The following ULK4 variants were observed in gnomAD, a reference collection of about 807,000 sequenced individuals.
The protein encoded by ULK4 is unc-51 like kinase 4, also known as inactive serine/threonine-protein kinase ULK4.
Under a neutral mutation model 160.6 loss-of-function variants are expected in ULK4, and 133 were observed. The observed-to-expected ratio is 0.83, with a 90% confidence interval of 0.72 to 0.96. ULK4 has a LOEUF of 0.96. Among genes scored for constraint, ULK4 ranks in the 40% least tolerant of loss-of-function variants. The pLI, the probability that ULK4 is intolerant of heterozygous loss-of-function variation, is 0.00. For missense variants in ULK4, 1,580 were observed against 1,499.5 expected, an observed-to-expected ratio of 1.05 and a Z score of -0.89; for synonymous variants, 534 against 539.8, an observed-to-expected ratio of 0.99 and a Z score of 0.15.
chr3:41,934,052 TAA>T (rs1699683597), intron 4 of ULK4, among the ~76,000 whole-genome samples: 2 of 151,984 alleles, frequency 1.3e-5, no homozygotes, highest in East Asian at 3.9e-4. Context: ...AAAATAATAA[TAA>T]AATAAAAAAA....
chr3:41,543,877 T>C (rs1236533857), intron 32 of ULK4, among the ~76,000 whole-genome samples: 1 of 152,178 alleles, frequency 6.6e-6, no homozygotes, highest in Non-Finnish European at 1.5e-5. Flanking sequence ...TTGGTTCATT[T>C]TGATAATTTC....
At chr3:41,447,639 ATT>A (rs2083331520) in intron 34 of ULK4, among the ~76,000 whole-genome samples, 1 of 152,154 alleles carries the variant, frequency 6.6e-6, no homozygotes, top group Non-Finnish European at 1.5e-5. Context: ...TGTGGCATCT[ATT>A]TTGACTGCTC....
intron 34 of ULK4, among the ~76,000 whole-genome samples, chr3:41,442,006 A>G (rs1422880720): frequency 2.0e-5 from 3 of 152,174 alleles, no homozygotes; most frequent in African/African-American, 7.2e-5. Context: ...TGATTAGTGT[A>G]ACCATGGTGC....
intron 35 of ULK4, among the ~76,000 whole-genome samples, chr3:41,319,099 A>T (rs2080199796): frequency 1.3e-5 from 2 of 152,150 alleles, no homozygotes; most frequent in Non-Finnish European, 2.9e-5. Context: ...TAGGGTCTTT[A>T]TTTTACTTAC....
intron 22 of ULK4, among the ~76,000 whole-genome samples, chr3:41,738,763 G>C (rs949871379): frequency 6.6e-6 from 1 of 151,934 alleles, no homozygotes; most frequent in Non-Finnish European, 1.5e-5. Flanking sequence ...GTGGGTTTTT[G>C]TGAATTAAGA....
intron 1 of ULK4, among the ~76,000 whole-genome samples, chr3:41,961,550 A>ACCGCCCCCCCC (rs1700669195): frequency 8.0e-6 from 1 of 124,692 alleles, no homozygotes; most frequent in African/African-American, 4.3e-5. Flanking sequence ...GTAGTCACTC[A>ACCGCCCCCCCC]CCCCCCCCCC....
chr3:41,347,533 C>A (rs1309400261), intron 35 of ULK4, among the ~76,000 whole-genome samples: 2 of 152,108 alleles, frequency 1.3e-5, no homozygotes, highest in Non-Finnish European at 2.9e-5. Flanking sequence ...AACACCCTAT[C>A]TAACACTTCC....
intron 29 of ULK4, among the ~76,000 whole-genome samples, chr3:41,671,744 T>G (rs918127870): frequency 6.6e-6 from 1 of 152,054 alleles, no homozygotes; most frequent in African/African-American, 2.4e-5. Flanking sequence ...ACTTAAAAGC[T>G]TCTACGCAGC....
chr3:41,346,149 C>A (rs62257650), intron 35 of ULK4, among the ~76,000 whole-genome samples: 2,126 of 152,190 alleles, frequency 0.014, 23 homozygotes, highest in Middle Eastern at 0.031. Context: ...GCAGGAGGAA[C>A]CCGCTGGCTG....
At chr3:41,611,748 T>C (rs1386013558) in intron 31 of ULK4, among the ~76,000 whole-genome samples, 3 of 152,204 alleles carry the variant, frequency 2.0e-5, no homozygotes, top group African/African-American at 7.2e-5. Context: ...ACAGGCGTTC[T>C]AGACTTTTTT....
intron 21 of ULK4, among the ~76,000 whole-genome samples, chr3:41,774,454 C>CA (rs1318070013): frequency 4.7e-5 from 7 of 150,272 alleles, no homozygotes; most frequent in Non-Finnish European, 1.0e-4. Flanking sequence ...TTTATGCAGC[C>CA]AAAAAACACA....
intron 31 of ULK4, among the ~76,000 whole-genome samples, chr3:41,574,552 T>C (rs2088120277): frequency 9.0e-6 from 1 of 110,650 alleles, no homozygotes; most frequent in Non-Finnish European, 1.9e-5. Context: ...TTTTTTTTTT[T>C]TTTTTTTGAG....
At chr3:41,696,218 G>A (rs2036495160) in intron 27 of ULK4, among the ~76,000 whole-genome samples, 2 of 152,222 alleles carry the variant, frequency 1.3e-5, no homozygotes, top group South Asian at 4.1e-4. Context: ...CCATCTCCCT[G>A]TGGTGCTATG....
intron 32 of ULK4, among the ~76,000 whole-genome samples, chr3:41,492,481 A>G (rs1478900707): frequency 6.6e-6 from 1 of 151,072 alleles, no homozygotes; most frequent in African/African-American, 2.4e-5. Flanking sequence ...TCATGCCAAA[A>G]TGTAAAGACC....
intron 32 of ULK4, among the ~76,000 whole-genome samples, chr3:41,505,409 G>A (rs990819736): frequency 1.2e-4 from 19 of 152,034 alleles, no homozygotes; most frequent in African/African-American, 2.7e-4. Context: ...AACAGTGGTC[G>A]CAATTCATTC....
chr3:41,896,892 T>C lies in ULK4; in HGVS notation c.1460A>G (p.Asn487Ser). The C allele has an allele frequency of 1.2e-6, 2 of 1,613,542 alleles. No homozygotes were observed. The highest frequency in any genetic ancestry group is 1.3e-5 in the African/African-American group (1 of 75,018). The change falls in exon 15 of 37, where the codon AAT becomes AGT. Residue 487 changes from asparagine (N) to serine (S), a missense_variant. Physicochemically the swap from Asn to Ser is conservative, Grantham distance 46. Coordinates refer to ENST00000301831, the MANE Select transcript of ULK4 (RefSeq NM_017886.4). ...CACCACGCACAAATAGCAAAGGAGATTCAGCTTGGCTCGGGAGGCCCCCAT... is the reference window on the plus strand; with the variant it reads ...CACCACGCACAAATAGCAAAGGAGACTCAGCTTGGCTCGGGAGGCCCCCAT... ...KSMGASRAKL[N>S]LLCYLCVVAG... is the part of the protein sequence containing the mutation.
At chr3:41,521,014 G>A (rs538424709) in intron 32 of ULK4, among the ~76,000 whole-genome samples, 9 of 152,192 alleles carry the variant, frequency 5.9e-5, no homozygotes, top group South Asian at 2.1e-4. Context: ...GATTATTAAG[G>A]AGCTGTGCCT....
chr3:41,720,653 T>C (rs1383859749), intron 22 of ULK4, among the ~76,000 whole-genome samples: 1 of 151,916 alleles, frequency 6.6e-6, no homozygotes, highest in Non-Finnish European at 1.5e-5. Context: ...GAAAAAGACA[T>C]TCCATTTCGC....
intron 35 of ULK4, among the ~76,000 whole-genome samples, chr3:41,396,276 G>A (rs1047507759): frequency 6.6e-6 from 1 of 151,680 alleles, no homozygotes; most frequent in Non-Finnish European, 1.5e-5. Flanking sequence ...TGTCTCCTAT[G>A]GGCATCATAT....
Sources: allele counts gnomAD v4.1 joint callset (sites outside exome capture counted in the v4.1 genomes callset), GRCh38; gene constraint gnomAD v4.1.1; transcripts MANE v1.5; gene names NCBI Gene and HGNC (gene_info 2026-07-23, HGNC 2026-07-21).